The following HMGXB3 variants were observed in gnomAD, a reference collection of about 807,000 sequenced individuals.
The protein encoded by HMGXB3 is HMG-box containing 3.
Under a neutral mutation model 121.5 loss-of-function variants are expected in HMGXB3, and 45 were observed. That is an observed-to-expected ratio of 0.37 (90% CI 0.29 to 0.47). HMGXB3 has a LOEUF of 0.47. Among genes scored for constraint, HMGXB3 ranks in the 20% least tolerant of loss-of-function variants. The pLI is 0.99. For missense variants in HMGXB3, 1,376 were observed against 1,602.2 expected (o/e 0.86, Z 2.41); for synonymous variants, 590 against 624.1 (o/e 0.95, Z 0.81).
At chr5:150,039,518 A>G (rs921767400) in intron 13 of HMGXB3, among the ~76,000 whole-genome samples, 5 of 152,136 alleles carry the variant, frequency 3.3e-5, no homozygotes, top group African/African-American at 1.2e-4. Context: ...AAACTTGTGT[A>G]TAATCAGGTA....
At chr5:150,010,022 T>TA (rs1755791388) in intron 3 of HMGXB3, 89 bp from the exon 4 acceptor site, 1 of 1,359,464 alleles carries the variant, frequency 7.4e-7, no homozygotes, top group Non-Finnish European at 9.8e-7. Context: ...AAAAAGAACT[T>TA]ACACATATAT....
intron 4 of HMGXB3, among the ~76,000 whole-genome samples, chr5:150,011,011 T>G (rs925031876): frequency 5.3e-5 from 8 of 152,218 alleles, no homozygotes; most frequent in African/African-American, 1.9e-4. Context: ...CAAGCTGGTC[T>G]TGCATTCCTG....
In HMGXB3 at chr5:150,018,562, A is replaced by T; in HGVS notation, c.910-4A>T. On this transcript the variant is annotated splice_polypyrimidine_tract_variant and splice_region_variant and intron_variant, in intron 5 of 19. Coordinates refer to ENST00000502717, the MANE Select transcript of HMGXB3 (RefSeq NM_014983.3). ...ATTGATTCTGATGTGCTCTTTATTT[A>T]CAGACCACTACATATACCCGCCGGG... is the stretch of plus-strand genomic sequence containing the variant. 3 of 1,538,714 alleles carry T rather than the reference A, an allele frequency of 1.9e-6. No individual in the cohort carries two copies. The highest frequency in any genetic ancestry group is 2.6e-6 in the Non-Finnish European group (3 of 1,141,004).
intron 6 of HMGXB3, among the ~76,000 whole-genome samples, 177 bp from the exon 7 acceptor site, chr5:150,024,085 A>C (rs1277591044): frequency 6.6e-6 from 1 of 152,254 alleles, no homozygotes; most frequent in Non-Finnish European, 1.5e-5. Flanking sequence ...AGGAACCTGT[A>C]GCCAGAAAAC....
intron 11 of HMGXB3, among the ~76,000 whole-genome samples, chr5:150,034,915 C>T (rs922000316): frequency 6.6e-6 from 1 of 152,190 alleles, no homozygotes; most frequent in Non-Finnish European, 1.5e-5. Flanking sequence ...CTCGGGGCAG[C>T]TCATTCTAGT....
chr5:150,048,397 C>T (rs190800781), intron 17 of HMGXB3, among the ~76,000 whole-genome samples, 172 bp from the exon 18 acceptor site: 116 of 152,196 alleles, frequency 7.6e-4, no homozygotes, highest in African/African-American at 2.7e-3. Flanking sequence ...TCAGGGCCTC[C>T]GATTGCTTAC....
chr5:150,007,384 A>T (rs1755726149), intron 3 of HMGXB3, among the ~76,000 whole-genome samples: 1 of 152,192 alleles, frequency 6.6e-6, no homozygotes, highest in South Asian at 2.1e-4. Context: ...AAATTCCTGC[A>T]GGAAGAATAA....
intron 5 of HMGXB3, among the ~76,000 whole-genome samples, chr5:150,015,555 T>C (rs929831049): frequency 6.6e-6 from 1 of 152,188 alleles, no homozygotes. Flanking sequence ...TCCAAAAGTA[T>C]TGGAATTACA....
chr5:150,029,826 T>C (rs559479395), intron 9 of HMGXB3, among the ~76,000 whole-genome samples: 1 of 152,378 alleles, frequency 6.6e-6, no homozygotes, highest in South Asian at 2.1e-4. Context: ...GAGAACTGTT[T>C]TGTTTTCCAC....
At chr5:150,035,437 G>A (rs2113753096) in intron 11 of HMGXB3, among the ~76,000 whole-genome samples, 1 of 152,290 alleles carries the variant, frequency 6.6e-6, no homozygotes, top group African/African-American at 2.4e-5. Flanking sequence ...TTTAGGACCT[G>A]CCTCCAACGT....
At chr5:150,036,563 A>G in intron 11 of HMGXB3, 73 bp from the exon 12 acceptor site, 1 of 1,369,654 alleles carries the variant, frequency 7.3e-7, no homozygotes, top group Non-Finnish European at 9.8e-7. Context: ...CTGCTCCCAG[A>G]CTTTTATTAT....
rs1465127737 is a variant in HMGXB3, at chr5:150,052,493, G to A, written c.*301G>A. On this transcript the variant is annotated 3_prime_UTR_variant, in exon 20 of 20. Transcript: ENST00000502717. ...GAAAGGCTCGTAGCTGGTGGGTTCC[G>A]TGGGGCCTGCGGTGTGGGTCAGGGT... The A allele has an allele frequency of 6.3e-5, 23 of 365,640 alleles. No homozygotes were observed. The highest frequency in any genetic ancestry group is 2.5e-4 in the East Asian group (5 of 19,658). The allele number at this position is 365,640 out of a possible 1,614,324, so 22.6% of individuals were successfully genotyped here.
At chr5:150,040,928 GGAATTTTCAGT>G (rs1457496207) in intron 14 of HMGXB3, 49 bp downstream of exon 14, 1 of 1,453,458 alleles carries the variant, frequency 6.9e-7, no homozygotes, top group African/African-American at 1.5e-5. Context: ...AAGCTCCCTC[GGAATTTTCAGT>G]GATGGCATTT....
intron 6 of HMGXB3, among the ~76,000 whole-genome samples, chr5:150,019,204 A>G (rs1194023673): frequency 1.3e-5 from 2 of 152,170 alleles, no homozygotes; most frequent in African/African-American, 4.8e-5. Context: ...AGTCTTCAAA[A>G]TAGTACCTGT....
intron 7 of HMGXB3, among the ~76,000 whole-genome samples, chr5:150,025,686 G>T (rs1045808761): frequency 6.6e-6 from 1 of 151,940 alleles, no homozygotes; most frequent in South Asian, 2.1e-4. Context: ...TCCCACCTCA[G>T]CCTCTGGAGT....
chr5:150,052,247 C>T lies in HMGXB3; in HGVS notation c.*55C>T, dbSNP rs1756934706. 4 of 1,383,608 alleles carry T rather than the reference C, an allele frequency of 2.9e-6. No homozygotes were observed. In the East Asian group the frequency reaches 1.0e-4, roughly 35 times the overall value. 85.7% of individuals were successfully genotyped at this position (1,383,608 alleles called of 1,614,324 possible). On this transcript the variant is annotated 3_prime_UTR_variant, in exon 20 of 20. Transcript: ENST00000502717. ...CTCTCAAGCCATAGTAAGGCCCTTG[C>T]CTGAGGCAGAGCTATCCAGGGGACC...
intron 5 of HMGXB3, among the ~76,000 whole-genome samples, chr5:150,014,322 T>C (rs1328987806): frequency 6.6e-6 from 1 of 152,242 alleles, no homozygotes; most frequent in African/African-American, 2.4e-5. Flanking sequence ...TAAAGACATC[T>C]GCAATAGACA....
intron 4 of HMGXB3, among the ~76,000 whole-genome samples, chr5:150,011,612 T>TG (rs1414663265): frequency 6.7e-6 from 1 of 150,094 alleles, no homozygotes; most frequent in African/African-American, 2.5e-5. Flanking sequence ...TGGTTTTTTT[T>TG]TTTTTTTTTG....
Position 150,045,567 on chromosome 5 carries a change from C to T in HMGXB3, c.2832C>T (p.Ser944=), listed in dbSNP as rs1308029893. 1 of 1,552,098 alleles carries T rather than the reference C, an allele frequency of 6.4e-7. No homozygotes were observed. Among genetic ancestry groups the T allele is most frequent in the Non-Finnish European group, 8.7e-7 (1 of 1,147,086 alleles). Residue 944 remains serine (S), a synonymous_variant, in exon 16 of 20, where the codon AGC becomes AGT. Transcript: ENST00000502717. ...EVIEQVAFPA[S]IPITKFDASV... ...TTGAGCAGGTGGCATTTCCTGCCAG[C>T]ATCCCTATCACCAAATTTGATGCGT...
Sources: allele counts gnomAD v4.1 joint callset (sites outside exome capture counted in the v4.1 genomes callset), GRCh38; gene constraint gnomAD v4.1.1; transcripts MANE v1.5; gene names NCBI Gene and HGNC (gene_info 2026-07-23, HGNC 2026-07-21).